FBP2: variants seen among roughly 807,000 people sequenced by gnomAD.
FBP2 encodes the protein fructose-1,6-bisphosphatase isozyme 2.
A neutral mutation model predicts 31.6 loss-of-function variants in FBP2; 27 were observed. The observed-to-expected ratio is 0.85, with a 90% CI of 0.63 to 1.18. The LOEUF (loss-of-function observed/expected upper bound fraction) is 1.18. Ranked by LOEUF, FBP2 falls within the 50% of genes most tolerant of loss-of-function variation. The pLI, the probability that FBP2 is intolerant of heterozygous loss-of-function variation, is 0.00. For synonymous variants in FBP2, 168 were observed against 179.8 expected, an observed-to-expected ratio of 0.93 and a Z score of 0.53; for missense variants, 421 against 436.1, an observed-to-expected ratio of 0.97 and a Z score of 0.31.
At chr9:94,567,473 C>A (rs1827208260) in intron 4 of FBP2, 66 bp from the exon 5 acceptor site, 2 of 1,589,248 alleles carry the variant, frequency 1.3e-6, no homozygotes, top group Admixed American at 1.7e-5. Flanking sequence ...CCGCACAATC[C>A]CCACATCAGA....
chr9:94,591,662 T>C (rs889530663), intron 1 of FBP2, among the ~76,000 whole-genome samples: 1 of 152,058 alleles, frequency 6.6e-6, no homozygotes, highest in Non-Finnish European at 1.5e-5. Context: ...CACAGGCAAA[T>C]CTGGTCTGGG....
At position 94,593,784 on chromosome 9, in the gene FBP2, G is replaced by A; in HGVS notation, c.-58C>T. 1 of 1,584,748 alleles carries A rather than the reference G, an allele frequency of 6.3e-7. No homozygotes were observed. The highest frequency in any genetic ancestry group is 8.6e-7 in the Non-Finnish European group (1 of 1,159,414). On this transcript the variant is annotated 5_prime_UTR_variant, in exon 1 of 7. Transcript: ENST00000375337. ...GGCAGGAAACCTTGCTTACTTCTGA[G>A]GGCTGCAGCTCCGCAGTGTGGAAGC...
chr9:94,560,539 C>T (rs1036469766), intron 6 of FBP2, among the ~76,000 whole-genome samples: 11 of 152,058 alleles, frequency 7.2e-5, no homozygotes, highest in Non-Finnish European at 1.5e-4. Flanking sequence ...TGTAACTTCC[C>T]AAAAGTTCAT....
intron 1 of FBP2, among the ~76,000 whole-genome samples, chr9:94,589,029 G>A (rs1021025574): frequency 1.3e-5 from 2 of 152,166 alleles, no homozygotes; most frequent in African/African-American, 2.4e-5. Context: ...CGTCTGTTTG[G>A]AGCAGCATTC....
chr9:94,579,663 T>C (rs1827356595), intron 3 of FBP2, among the ~76,000 whole-genome samples: 1 of 152,172 alleles, frequency 6.6e-6, no homozygotes, highest in Non-Finnish European at 1.5e-5. Context: ...TTGCTCCTAA[T>C]AACAAGAAAT....
intron 6 of FBP2, among the ~76,000 whole-genome samples, chr9:94,562,066 C>T (rs1827114027): frequency 6.6e-6 from 1 of 152,114 alleles, no homozygotes; most frequent in South Asian, 2.1e-4. Flanking sequence ...AATCCCAGCA[C>T]TTTGGGAGGC....
chr9:94,570,720 A>T (rs1827259545), intron 4 of FBP2: 1 of 152,124 alleles, frequency 6.6e-6, no homozygotes, highest in African/African-American at 2.4e-5. Flanking sequence ...ATTCTATTTG[A>T]AAAGTTTCTG....
At chr9:94,569,352 T>C (rs1248639660) in intron 4 of FBP2, 1 of 152,256 alleles carries the variant, frequency 6.6e-6, no homozygotes. Flanking sequence ...GGTCCTCAGC[T>C]TTCCCATCAA....
intron 1 of FBP2, among the ~76,000 whole-genome samples, chr9:94,590,608 A>G (rs1827485419): frequency 1.3e-5 from 2 of 152,116 alleles, no homozygotes; most frequent in Non-Finnish European, 2.9e-5. Flanking sequence ...CTGGGCTCAG[A>G]AGTGAAGCTG....
At chr9:94,581,794 C>A (rs979502274) in intron 3 of FBP2, among the ~76,000 whole-genome samples, 1 of 152,206 alleles carries the variant, frequency 6.6e-6, no homozygotes, top group Non-Finnish European at 1.5e-5. Flanking sequence ...TGGCAGGAAG[C>A]GGGATCAGAC....
In FBP2 at chr9:94,567,390, G is replaced by A. The variant is rs944711585; in HGVS notation, c.585C>T (p.Val195=). ...FMLDPALGEF[V]LVEKDVKIKK... ...TAATCTTGACATCTTTTTCCACCAG[G>A]ACAAATTCACCAAGAGCCTAGCAAC... is the stretch of plus-strand genomic sequence containing the variant. The change falls in exon 5 of 7, where the codon GTC becomes GTT. Residue 195 remains valine (V), a synonymous_variant. Coordinates refer to ENST00000375337, the MANE Select transcript of FBP2 (RefSeq NM_003837.4). 1 of 1,614,014 alleles carries A rather than the reference G, an allele frequency of 6.2e-7. No homozygotes were observed. Among genetic ancestry groups the A allele is most frequent in the Admixed American group, 1.7e-5 (1 of 60,004 alleles).
intron 4 of FBP2, chr9:94,567,660 CTTCT>C (rs1827210984): frequency 2.3e-6 from 1 of 433,746 alleles, no homozygotes; most frequent in Non-Finnish European, 4.1e-6. Context: ...AGCCCATAGT[CTTCT>C]TTCTTTTCCT....
At chr9:94,579,786 G>A (rs1232804423) in intron 3 of FBP2, among the ~76,000 whole-genome samples, 3 of 152,140 alleles carry the variant, frequency 2.0e-5, no homozygotes, top group Non-Finnish European at 4.4e-5. Context: ...AGGCCTGAGA[G>A]GATAACTCTC....
At chr9:94,590,047 C>T (rs1011065979) in intron 1 of FBP2, among the ~76,000 whole-genome samples, 5 of 152,110 alleles carry the variant, frequency 3.3e-5, no homozygotes, top group African/African-American at 1.2e-4. Context: ...CAAATGCCCC[C>T]TCATCCGCCT....
chr9:94,574,194 T>TA (rs1827295287), intron 3 of FBP2, among the ~76,000 whole-genome samples: 1 of 152,206 alleles, frequency 6.6e-6, no homozygotes. Context: ...CAAGATAAAT[T>TA]CCCAATAATT....
chr9:94,591,492 C>A (rs1437453594), intron 1 of FBP2, among the ~76,000 whole-genome samples: 1 of 152,220 alleles, frequency 6.6e-6, no homozygotes, highest in East Asian at 1.9e-4. Flanking sequence ...CCGCAAGCGC[C>A]GCACGCAGCC....
intron 1 of FBP2, among the ~76,000 whole-genome samples, chr9:94,590,871 T>A (rs1827490925): frequency 6.6e-6 from 1 of 152,148 alleles, no homozygotes; most frequent in African/African-American, 2.4e-5. Flanking sequence ...ATACAAAGGT[T>A]CTCCACGTCC....
chr9:94,587,245 G>A (rs1827436953), intron 2 of FBP2, 62 bp downstream of exon 2: 6 of 1,430,794 alleles, frequency 4.2e-6, no homozygotes, highest in Non-Finnish European at 4.8e-6. Context: ...AAGTAAGGCA[G>A]CTTATTTCCG....
In FBP2 at chr9:94,561,352, A is replaced by ACTTTT. The variant is rs1827097696; in HGVS notation, c.825+1989_825+1990insAAAAG. 3.9e-3 allele frequency among the ~76,000 whole-genome samples: 214 copies of ACTTTT among 54,988 alleles called. 10 individuals carry two copies. The highest frequency in any genetic ancestry group is 0.016 in the African/African-American group (206 of 12,802). The allele number at this position is 54,988 out of a possible 152,430, so 36.1% of individuals were successfully genotyped here. A position where few individuals can be genotyped will look rare whatever the true frequency, so the allele number is the denominator to read the frequency against. ...GCAGGCCATGTGACATGTGACCTGT[A>ACTTTT]TTTTTTTTTTTTTTTTTTTTTTTTT... On this transcript the variant is annotated intron_variant, in intron 6 of 6. Transcript: ENST00000375337.
Sources: gnomAD v4.1 joint callset for allele counts (sites outside exome capture counted in the v4.1 genomes callset) on GRCh38, gnomAD v4.1.1 for gene constraint, MANE v1.5 for transcripts, NCBI Gene and HGNC (gene_info 2026-07-23, HGNC 2026-07-21) for gene names.